The following NBEAL2 variants were observed in gnomAD, a reference collection of about 807,000 sequenced individuals.
NBEAL2 encodes neurobeachin like 2.
Under a neutral mutation model 299.8 loss-of-function variants are expected in NBEAL2, and 160 were observed. The ratio of observed to expected loss-of-function variants is 0.53; its 90% CI spans 0.47 to 0.61. The LOEUF (loss-of-function observed/expected upper bound fraction) is 0.61, where lower values mean the gene tolerates loss of function less well. Ranked by LOEUF, NBEAL2 falls within the 20% of genes least tolerant of loss-of-function variation. The pLI is 0.00. For missense variants in NBEAL2, 3,112 were observed against 3,649.0 expected, an observed-to-expected ratio of 0.85 and a Z score of 3.79; for synonymous variants, 1,493 against 1,542.3, an observed-to-expected ratio of 0.97 and a Z score of 0.75.
In NBEAL2 at chr3:46,991,769, C is replaced by T; in HGVS notation, c.926-71C>T. ...GTGATGATGGAAGGTCTGGATAGGG[C>T]AGCATAGGAAGGAAGGCTTAAGGCT... On this transcript the variant is annotated intron_variant, in intron 8 of 53. Coordinates refer to ENST00000450053, the MANE Select transcript of NBEAL2 (RefSeq NM_015175.3). The surrounding 1 kb of genome is among the most constrained non-coding windows in gnomAD (Gnocchi z 6.2). 6.4e-7 allele frequency: 1 copy of T among 1,562,242 alleles called. No individual in the cohort carries two copies. The highest frequency in any genetic ancestry group is 8.7e-7 in the Non-Finnish European group (1 of 1,152,936).
At position 46,999,276 on chromosome 3, in the gene NBEAL2, C is replaced by T. The variant is rs1474151490; in HGVS notation, c.3544-39C>T. The T allele has an allele frequency of 2.5e-6, 4 of 1,575,924 alleles. No individual in the cohort carries two copies. In the African/African-American group the frequency reaches 5.4e-5, roughly 21 times the overall value. ...GTGACTTCCCCTCCTACAGTAACTC[C>T]TTCCACATGATGACAGTCCTCCGAT... On this transcript the variant is annotated intron_variant, in intron 24 of 53. Coordinates refer to ENST00000450053, the MANE Select transcript of NBEAL2 (RefSeq NM_015175.3).
chr3:46,991,454 A>G lies in NBEAL2; in HGVS notation c.691A>G (p.Ser231Gly), dbSNP rs1481172487. Reference sequence around the variant, plus strand: ...TGATGGCTCTGTGAAGGGCCTGCTGAGTGTGGTGCGGGGCTGGAGCCGTGG... The same window carrying G: ...TGATGGCTCTGTGAAGGGCCTGCTGGGTGTGGTGCGGGGCTGGAGCCGTGG... The part of the protein sequence containing the change: ...VSDGSVKGLL[S>G]VVRGWSRGPA... Residue 231 changes from serine (S) to glycine (G), a missense_variant, in exon 8 of 54, where the codon AGT becomes GGT. Physicochemically the swap from Ser to Gly is moderately conservative, Grantham distance 56 (BLOSUM62 0). Around this residue, in one of 3 missense-constraint regions of NBEAL2, gnomAD observed 2,243 missense variants for 2,538.1 expected, o/e 0.88. Transcript: ENST00000450053. This position sits in a 1 kb window ranked among gnomAD's most constrained non-coding sequence, Gnocchi z 6.2. 3 of 1,611,466 alleles carry G rather than the reference A, an allele frequency of 1.9e-6. No homozygotes were observed. Among genetic ancestry groups the G allele is most frequent in the Admixed American group, 1.7e-5 (1 of 59,842 alleles).
Position 47,002,291 on chromosome 3 carries a change from G to A in NBEAL2, c.5151+3G>A. ...GGCGCCACTTCATCGACAAACAGGT[G>A]CCTGGAGGTTGGGGCCCAGGAAGAG... On this transcript the variant is annotated splice_donor_region_variant and intron_variant, in intron 31 of 53. Transcript: ENST00000450053. The A allele has an allele frequency of 6.3e-7, 1 of 1,579,584 alleles. No individual in the cohort carries two copies. The highest frequency in any genetic ancestry group is 8.6e-7 in the Non-Finnish European group (1 of 1,159,584).
In NBEAL2 at chr3:47,002,692, A is replaced by G; in HGVS notation, c.5349A>G (p.Leu1783=). 6 of 1,604,086 alleles carry G rather than the reference A, an allele frequency of 3.7e-6. No individual in the cohort carries two copies. The highest frequency in any genetic ancestry group is 5.1e-6 in the Non-Finnish European group (6 of 1,177,106). The change falls in exon 33 of 54, where the codon CTA becomes CTG. Residue 1783 remains leucine, a synonymous_variant. Coordinates refer to ENST00000450053, the MANE Select transcript of NBEAL2 (RefSeq NM_015175.3). ...PAQRRARLEG[L]RYTAVLKQQA... ...AGAGGCGGGCGCGCCTGGAGGGGCT[A>G]CGCTACACGGCAGTGCTGAAGCAGC...
Position 46,991,178 on chromosome 3 carries a change from CA to C in NBEAL2, c.557-39del, listed in dbSNP as rs767076394. The C allele has an allele frequency of 3.2e-6, 5 of 1,541,018 alleles. No homozygotes were observed. Among genetic ancestry groups the C allele is most frequent in the Non-Finnish European group, 4.4e-6 (5 of 1,129,270 alleles). On this transcript the variant is annotated intron_variant, in intron 6 of 53. Transcript: ENST00000450053. The surrounding 1 kb of genome is among the most constrained non-coding windows in gnomAD (Gnocchi z 6.2). ...GCAGCCCCCTGGGTCCATAGCCCTG[CA>C]ACCTTGGTGACATTACCCTGCCCAC... is the stretch of plus-strand genomic sequence containing the variant.
chr3:47,007,267 G>A lies in NBEAL2; in HGVS notation c.7251G>A (p.Leu2417=), dbSNP rs756992815. 9.9e-6 allele frequency: 16 copies of A among 1,612,390 alleles called. No homozygotes were observed. Among genetic ancestry groups the A allele is most frequent in the Non-Finnish European group, 1.4e-5 (16 of 1,179,362 alleles). ...TGACTGTGAGTGCCAGTGGGCTGCT[G>A]GGCACCCACAGCTGGTTGCCCTATG... ...LLVTVSASGL[L]GTHSWLPYDR... is the part of the protein sequence containing the mutation. Residue 2417 remains leucine (L), a synonymous_variant, in exon 47 of 54, where the codon CTG becomes CTA. Coordinates refer to ENST00000450053, the MANE Select transcript of NBEAL2 (RefSeq NM_015175.3).
At chr3:47,006,747 C>G (rs1187772385) in intron 45 of NBEAL2, among the ~76,000 whole-genome samples, 1 of 152,248 alleles carries the variant, frequency 6.6e-6, no homozygotes, top group Non-Finnish European at 1.5e-5. Context: ...ATGTTGCCCC[C>G]AGGCCTGACT....
Position 47,007,102 on chromosome 3 carries a change from G to T in NBEAL2, c.7171G>T (p.Val2391Phe). 1 of 1,613,392 alleles carries T rather than the reference G, an allele frequency of 6.2e-7. No homozygotes were observed. Among genetic ancestry groups the T allele is most frequent in the Non-Finnish European group, 8.5e-7 (1 of 1,179,664 alleles). The change falls in exon 46 of 54, where the codon GTC becomes TTC. Residue 2391 changes from valine to phenylalanine, a missense_variant. By Grantham distance (50) the Val-to-Phe change is conservative. Around this residue, in one of 3 missense-constraint regions of NBEAL2, gnomAD observed 521 missense variants for 729.6 expected, o/e 0.71. Transcript: ENST00000450053. ...TGGTGTACCCCTGGTGCTAGCCCTG[G>T]TCCCCCACCGGCAGCCCCACTCCTT... ...SDGVPLVLAL[V>F]PHRQPHSFIT...
In NBEAL2 at chr3:47,000,980, A is replaced by G. The variant is rs1275486250; in HGVS notation, c.4306-21A>G. The G allele has an allele frequency of 6.3e-7, 1 of 1,579,838 alleles. No individual in the cohort carries two copies. Among genetic ancestry groups the G allele is most frequent in the East Asian group, 2.3e-5 (1 of 42,826 alleles). Reference sequence around the variant, plus strand: ...TTAGCCGCCCACAACCCACGCCCACACCACCCACCTGTGCCCACAGCAAAC... The same window carrying G: ...TTAGCCGCCCACAACCCACGCCCACGCCACCCACCTGTGCCCACAGCAAAC... On this transcript the variant is annotated intron_variant, in intron 27 of 53. Transcript: ENST00000450053. The surrounding 1 kb of genome is among the most constrained non-coding windows in gnomAD (Gnocchi z 4.5).
chr3:46,998,673 G>C, intron 22 of NBEAL2, 44 bp from the exon 23 acceptor site: 3 of 1,555,080 alleles, frequency 1.9e-6, no homozygotes, highest in Non-Finnish European at 2.6e-6. Context: ...CTCTCTCCCC[G>C]CCTTTCTTTG....
chr3:46,997,152 A>G, intron 18 of NBEAL2, 106 bp downstream of exon 18: 1 of 1,556,066 alleles, frequency 6.4e-7, no homozygotes, highest in Non-Finnish European at 8.8e-7. Context: ...GGATTTGGAC[A>G]GTCCAGCTCA....
Position 46,995,824 on chromosome 3 carries a change from T to C in NBEAL2, c.2009T>C (p.Val670Ala). The change falls in exon 14 of 54, where the codon GTG becomes GCG. Residue 670 changes from valine (V) to alanine (A), a missense_variant. Transcript: ENST00000450053. Reference protein sequence around the residue: ...KEYLTMSLPEVSFADSAWHCV... With the variant: ...KEYLTMSLPEASFADSAWHCV... ...TATTTGACCATGAGTTTGCCCGAAG[T>C]GTCCTTTGCCGACTCTGCCTGGGTG... 6.2e-7 allele frequency: 1 copy of C among 1,613,882 alleles called. No individual in the cohort carries two copies. The highest frequency in any genetic ancestry group is 2.2e-5 in the East Asian group (1 of 44,870).
Position 46,995,746 on chromosome 3 carries a change from C to T in NBEAL2, c.1931C>T (p.Ala644Val), listed in dbSNP as rs1258038343. ...FFTSSGSGFE[A>V]FFTAAGTLVV... ...ACCAGCAGCGGCTCAGGGTTTGAGG[C>T]CTTCTTCACGGCGGCCGGGACCCTG... The change falls in exon 14 of 54, where the codon GCC becomes GTC. Residue 644 changes from alanine (A) to valine (V), a missense_variant. Around this residue, in one of 3 missense-constraint regions of NBEAL2, gnomAD observed 2,243 missense variants for 2,538.1 expected, o/e 0.88. Transcript: ENST00000450053. The T allele has an allele frequency of 1.2e-6, 2 of 1,613,604 alleles. No homozygotes were observed. The highest frequency in any genetic ancestry group is 1.1e-5 in the South Asian group (1 of 91,084).
At position 46,991,337 on chromosome 3, in the gene NBEAL2, GCAGCTCTTT is replaced by G; in HGVS notation, c.642+37_642+45del. 4.4e-6 allele frequency: 7 copies of G among 1,587,048 alleles called. No individual in the cohort carries two copies. The highest frequency in any genetic ancestry group is 6.0e-6 in the Non-Finnish European group (7 of 1,166,170). On this transcript the variant is annotated intron_variant, in intron 7 of 53. Coordinates refer to ENST00000450053, the MANE Select transcript of NBEAL2 (RefSeq NM_015175.3). The surrounding 1 kb of genome is among the most constrained non-coding windows in gnomAD (Gnocchi z 6.2). ...GGGAGGTGAGCCTGTGGACTAGAGA[GCAGCTCTTT>G]CAGTATCTCTCTGCTGGGTGAGCCC...
At position 46,996,848 on chromosome 3, in the gene NBEAL2, C is replaced by G; in HGVS notation, c.2556+15C>G. ...ACTCACCTCAGGTATTTGGGGGCCC[C>G]AGGGGAGTGGTTGGCTCGACTGTGC... On this transcript the variant is annotated intron_variant, in intron 17 of 53. Coordinates refer to ENST00000450053, the MANE Select transcript of NBEAL2 (RefSeq NM_015175.3). 1 of 1,612,294 alleles carries G rather than the reference C, an allele frequency of 6.2e-7. No individual in the cohort carries two copies. Among genetic ancestry groups the G allele is most frequent in the Non-Finnish European group, 8.5e-7 (1 of 1,179,560 alleles).
At position 47,004,778 on chromosome 3, in the gene NBEAL2, C is replaced by A; in HGVS notation, c.6294+188C>A. The A allele has an allele frequency of 9.6e-7, 1 of 1,038,514 alleles. No individual in the cohort carries two copies. Among genetic ancestry groups the A allele is most frequent in the Non-Finnish European group, 1.4e-6 (1 of 708,226 alleles). 64.3% of individuals were successfully genotyped at this position (1,038,514 alleles called of 1,614,324 possible). A position where few individuals can be genotyped will look rare whatever the true frequency, so the allele number is the denominator to read the frequency against. On this transcript the variant is annotated intron_variant, in intron 38 of 53. Transcript: ENST00000450053. The surrounding 1 kb of genome is among the most constrained non-coding windows in gnomAD (Gnocchi z 5.0). Reference sequence around the variant, plus strand: ...CCCCAGCCTCACTCCCTTCCCCTCCCTGCCTAGCCTCTATTCCTCAAAAGG... The same window carrying A: ...CCCCAGCCTCACTCCCTTCCCCTCCATGCCTAGCCTCTATTCCTCAAAAGG...
chr3:46,986,537 C>A lies in NBEAL2; in HGVS notation c.52-2132C>A, dbSNP rs201264915. 2.0e-5 allele frequency among the ~76,000 whole-genome samples: 3 copies of A among 152,144 alleles called. No homozygotes were observed. The East Asian group carries it at 5.8e-4, about 29-fold the overall frequency. Reference sequence around the variant, plus strand: ...AGCCTTTATGGGGAGGGGTTAGACACGGTCAAATTTGGGCTTTCAGGTGCT... The same window carrying A: ...AGCCTTTATGGGGAGGGGTTAGACAAGGTCAAATTTGGGCTTTCAGGTGCT... On this transcript the variant is annotated intron_variant, in intron 1 of 53. Coordinates refer to ENST00000450053, the MANE Select transcript of NBEAL2 (RefSeq NM_015175.3).
intron 22 of NBEAL2, 72 bp from the exon 23 acceptor site, chr3:46,998,645 C>T: frequency 2.6e-6 from 4 of 1,556,952 alleles, no homozygotes; most frequent in South Asian, 1.2e-5. Flanking sequence ...GTGCGCTTCC[C>T]TGACTCACCT....
chr3:47,005,162 C>T lies in NBEAL2; in HGVS notation c.6420-19C>T, dbSNP rs148494674. ...GGCGAGGGGAGGGCTTCTGCTGACA[C>T]GTCCAACTGTGGCCCCAGGTATGAA... is the stretch of plus-strand genomic sequence containing the variant. On this transcript the variant is annotated intron_variant, in intron 39 of 53. Coordinates refer to ENST00000450053, the MANE Select transcript of NBEAL2 (RefSeq NM_015175.3). 1.6e-5 allele frequency: 26 copies of T among 1,613,832 alleles called. No individual in the cohort carries two copies. Among genetic ancestry groups the T allele is most frequent in the South Asian group, 1.4e-4 (13 of 91,084 alleles).
Sources: allele counts gnomAD v4.1 joint callset (sites outside exome capture counted in the v4.1 genomes callset), GRCh38; gene constraint gnomAD v4.1.1; regional missense constraint gnomAD v4.1.1; non-coding constraint Gnocchi (gnomAD v3.1); transcripts MANE v1.5; gene names NCBI Gene and HGNC (gene_info 2026-07-23, HGNC 2026-07-21).